TBX20: variants seen among roughly 807,000 people sequenced by gnomAD.
TBX20 encodes T-box transcription factor 20, also known as T-box transcription factor TBX20.
A neutral mutation model predicts 42.9 loss-of-function variants in TBX20; 8 were observed. That is an observed-to-expected ratio of 0.19 (90% confidence interval 0.11 to 0.34). The LOEUF (loss-of-function observed/expected upper bound fraction) is 0.34, where lower values mean the gene tolerates loss of function less well. Ranked by LOEUF, TBX20 falls within the 10% of genes least tolerant of loss-of-function variation. TBX20 has a pLI of 1.00. For synonymous variants in TBX20, 198 were observed against 222.8 expected (o/e 0.89, Z 0.99); for missense variants, 411 against 566.0 (o/e 0.73, Z 2.78).
At chr7:35,231,765 G>A (rs1789870998) in intron 5 of TBX20, among the ~76,000 whole-genome samples, 185 bp from the exon 6 acceptor site, 1 of 152,182 alleles carries the variant, frequency 6.6e-6, no homozygotes, top group Non-Finnish European at 1.5e-5. Context: ...GATGGTAAGG[G>A]AAGGCCTCAG....
intron 6 of TBX20, among the ~76,000 whole-genome samples, chr7:35,210,904 T>C (rs1789486785): frequency 6.6e-6 from 1 of 152,156 alleles, no homozygotes; most frequent in Non-Finnish European, 1.5e-5. Context: ...TTGATATAGT[T>C]AAGTTGAAGT....
Position 35,249,711 on chromosome 7 carries a change from C to A in TBX20, c.380+240G>T, listed in dbSNP as rs547764074. 6.6e-6 allele frequency among the ~76,000 whole-genome samples: 1 copy of A among 152,272 alleles called. No homozygotes were observed. The highest frequency in any genetic ancestry group is 2.1e-4 in the South Asian group (1 of 4,816). ...TTCGGGGTTAGTGTGTCTCCCTGGT[C>A]CCTGTGCCCTTCTCAACAAAGCCAG... On this transcript the variant is annotated intron_variant, in intron 2 of 7. Transcript: ENST00000408931. The surrounding 1 kb of genome is among the most constrained non-coding windows in gnomAD (Gnocchi z 4.3).
chr7:35,231,489 GAA>G lies in TBX20; in HGVS notation c.890+13_890+14del. 2 of 1,601,612 alleles carry G rather than the reference GAA, an allele frequency of 1.2e-6. No homozygotes were observed. The highest frequency in any genetic ancestry group is 1.7e-6 in the Non-Finnish European group (2 of 1,168,766). ...TCTTATCTGAACAAGAAAGTAAACA[GAA>G]AATTCTCATTACCTCTCAATGTCAG... On this transcript the variant is annotated intron_variant, in intron 6 of 7. Coordinates refer to ENST00000408931, the MANE Select transcript of TBX20 (RefSeq NM_001077653.2).
In TBX20 at chr7:35,249,804, G is replaced by A; in HGVS notation, c.380+147C>T. 3 of 878,434 alleles carry A rather than the reference G, an allele frequency of 3.4e-6. No individual in the cohort carries two copies. The highest frequency in any genetic ancestry group is 5.2e-6 in the Non-Finnish European group (3 of 581,092). The allele number at this position is 878,434 out of a possible 1,614,324, so 54.4% of individuals were successfully genotyped here. On this transcript the variant is annotated intron_variant, in intron 2 of 7. Coordinates refer to ENST00000408931, the MANE Select transcript of TBX20 (RefSeq NM_001077653.2). This position sits in a 1 kb window ranked among gnomAD's most constrained non-coding sequence, Gnocchi z 4.3. ...AGACATCCTGTAGCTCCTAATGCAAGCTGGTGGAAAGCAGCTGCCCTGGAG... is the reference window on the plus strand; with the variant it reads ...AGACATCCTGTAGCTCCTAATGCAAACTGGTGGAAAGCAGCTGCCCTGGAG...
At chr7:35,221,305 A>AG (rs1334632527) in intron 6 of TBX20, among the ~76,000 whole-genome samples, 1 of 151,372 alleles carries the variant, frequency 6.6e-6, no homozygotes, top group East Asian at 1.9e-4. Context: ...CAAAAAAAAA[A>AG]AAAAACAAAT....
intron 3 of TBX20, among the ~76,000 whole-genome samples, chr7:35,247,576 A>C (rs1210463708): frequency 6.6e-6 from 1 of 152,176 alleles, no homozygotes; most frequent in East Asian, 1.9e-4. Flanking sequence ...TGAATATTCT[A>C]TCTGAACCAT....
intron 6 of TBX20, among the ~76,000 whole-genome samples, chr7:35,213,877 C>CAAAA (rs59548164): frequency 0.27 from 15,804 of 59,434 alleles, 2,650 homozygotes; most frequent in Non-Finnish European, 0.35. Context: ...GCAGAGATAG[C>CAAAA]AAAAAAAAAA....
Position 35,253,885 on chromosome 7 carries a change from C to A in TBX20, c.-265G>T. ...GAGCACTACGGCGGGTGCGCACGCCCCGGGGCGCTCGGCAGGACGACAGTC... is the reference window on the plus strand; with the variant it reads ...GAGCACTACGGCGGGTGCGCACGCCACGGGGCGCTCGGCAGGACGACAGTC... On this transcript the variant is annotated 5_prime_UTR_variant, in exon 1 of 8. Transcript: ENST00000408931. 1 of 480,768 alleles carries A rather than the reference C, an allele frequency of 2.1e-6. No homozygotes were observed. The highest frequency in any genetic ancestry group is 3.7e-6 in the Non-Finnish European group (1 of 267,644). The allele number at this position is 480,768 out of a possible 1,614,324, so 29.8% of individuals were successfully genotyped here. A position where few individuals can be genotyped will look rare whatever the true frequency, so the allele number is the denominator to read the frequency against.
At chr7:35,253,142 G>A (rs1007964757) in intron 1 of TBX20, among the ~76,000 whole-genome samples, 2 of 152,196 alleles carry the variant, frequency 1.3e-5, no homozygotes, top group African/African-American at 4.8e-5. Flanking sequence ...CGCACAAGCA[G>A]GTGTTACATG....
intron 6 of TBX20, among the ~76,000 whole-genome samples, chr7:35,211,515 A>G (rs1362755183): frequency 6.6e-6 from 1 of 152,136 alleles, no homozygotes; most frequent in Admixed American, 6.5e-5. Flanking sequence ...ATTCTAGTTA[A>G]CAGACTTGAT....
At chr7:35,216,282 T>C (rs1314037675) in intron 6 of TBX20, among the ~76,000 whole-genome samples, 1 of 152,160 alleles carries the variant, frequency 6.6e-6, no homozygotes, top group Non-Finnish European at 1.5e-5. Flanking sequence ...CTCAATATGT[T>C]CCAGGTGCTG....
At chr7:35,210,272 G>A (rs1469535348) in intron 6 of TBX20, among the ~76,000 whole-genome samples, 1 of 151,724 alleles carries the variant, frequency 6.6e-6, no homozygotes, top group African/African-American at 2.4e-5. Flanking sequence ...CCACCACCAC[G>A]CCTGGCTAAT....
rs1790173984 is a variant in TBX20 at position 35,245,878 on chromosome 7, T to C, written c.546-821A>G. Reference sequence around the variant, plus strand: ...TTTGTAAGTCCCCATCCTGGTATCTTCTTGACTTAAGTCTTTCTGAAGTCA... The same window carrying C: ...TTTGTAAGTCCCCATCCTGGTATCTCCTTGACTTAAGTCTTTCTGAAGTCA... On this transcript the variant is annotated intron_variant, in intron 3 of 7. Transcript: ENST00000408931. 2.0e-5 allele frequency among the ~76,000 whole-genome samples: 3 copies of C among 152,204 alleles called. No individual in the cohort carries two copies. In the South Asian group the frequency reaches 6.2e-4, roughly 32 times the overall value.
At chr7:35,237,157 T>A (rs1272068654) in intron 5 of TBX20, among the ~76,000 whole-genome samples, 3 of 152,184 alleles carry the variant, frequency 2.0e-5, no homozygotes, top group South Asian at 2.1e-4. Flanking sequence ...CTTGGGTGAA[T>A]GTCTTAACCA....
rs1790252746 is a variant in TBX20, at chr7:35,249,008, A to C, written c.381-167T>G. Among the ~76,000 whole-genome samples, 1 of 151,636 alleles carries C rather than the reference A, an allele frequency of 6.6e-6. No individual in the cohort carries two copies. The highest frequency in any genetic ancestry group is 1.5e-5 in the Non-Finnish European group (1 of 67,936). ...TTTTGTTTAAAGCCTCAGAGAAGTG[A>C]ATACAGAGACAGGGTTTTCTTCCAA... On this transcript the variant is annotated intron_variant, in intron 2 of 7. Transcript: ENST00000408931. The surrounding 1 kb of genome is among the most constrained non-coding windows in gnomAD (Gnocchi z 4.3).
chr7:35,238,115 T>C (rs1344757745), intron 5 of TBX20, among the ~76,000 whole-genome samples: 1 of 152,176 alleles, frequency 6.6e-6, no homozygotes, highest in Admixed American at 6.5e-5. Context: ...CGATGCTGAA[T>C]AAAAATACGA....
chr7:35,214,294 A>G (rs1789546237), intron 6 of TBX20, among the ~76,000 whole-genome samples: 1 of 152,194 alleles, frequency 6.6e-6, no homozygotes, highest in African/African-American at 2.4e-5. Flanking sequence ...GAAATTGACT[A>G]GAATATTACT....
chr7:35,249,224 C>G lies in TBX20; in HGVS notation c.381-383G>C, dbSNP rs1790257376. Among the ~76,000 whole-genome samples the G allele has an allele frequency of 6.6e-6, 1 of 152,222 alleles. No homozygotes were observed. The highest frequency in any genetic ancestry group is 6.5e-5 in the Admixed American group (1 of 15,288). Reference sequence around the variant, plus strand: ...GGAGCTGACCCAGTCACACAACTCACCCGCATCCCAGCCAGAAAACTCTGC... The same window carrying G: ...GGAGCTGACCCAGTCACACAACTCAGCCGCATCCCAGCCAGAAAACTCTGC... On this transcript the variant is annotated intron_variant, in intron 2 of 7. Coordinates refer to ENST00000408931, the MANE Select transcript of TBX20 (RefSeq NM_001077653.2). The surrounding 1 kb of genome is among the most constrained non-coding windows in gnomAD (Gnocchi z 4.3).
chr7:35,209,193 G>C (rs1173164409), intron 6 of TBX20, among the ~76,000 whole-genome samples: 2 of 152,050 alleles, frequency 1.3e-5, no homozygotes, highest in Non-Finnish European at 2.9e-5. Context: ...GATAAGGCTA[G>C]TCTCATAGAA....
Sources: gnomAD v4.1 joint callset for allele counts (sites outside exome capture counted in the v4.1 genomes callset) on GRCh38, gnomAD v4.1.1 for gene constraint, Gnocchi (gnomAD v3.1) non-coding constraint, MANE v1.5 for transcripts, NCBI Gene and HGNC (gene_info 2026-07-23, HGNC 2026-07-21) for gene names.